Variants in TNFAIP8L3 observed in about 807,000 individuals in gnomAD.
TNFAIP8L3 encodes the protein tumor necrosis factor alpha-induced protein 8-like protein 3.
A neutral mutation model predicts 11.8 loss-of-function variants in TNFAIP8L3; 7 were observed. The observed-to-expected ratio is 0.59, with a 90% CI of 0.34 to 1.11. The LOEUF (loss-of-function observed/expected upper bound fraction) is 1.11. TNFAIP8L3 is among the 50% of genes most tolerant of loss of function. The pLI is 0.03. For missense variants in TNFAIP8L3, 219 were observed against 258.6 expected (o/e 0.85, Z 1.05); for synonymous variants, 98 against 103.8 (o/e 0.94, Z 0.34).
chr15:51,097,117 T>A (rs2065518919), upstream of TNFAIP8L3, among the ~76,000 whole-genome samples: 1 of 152,134 alleles, frequency 6.6e-6, no homozygotes, highest in Admixed American at 6.5e-5. Context: ...TAACAGGAAA[T>A]GTGAAACTTT....
intron 1 of TNFAIP8L3, among the ~76,000 whole-genome samples, chr15:51,087,974 T>C (rs1166572631): frequency 1.4e-5 from 2 of 140,118 alleles, no homozygotes; most frequent in Admixed American, 7.8e-5. Context: ...TCTCCTGATA[T>C]GATTTTTTGG....
chr15:51,094,805 G>C lies in TNFAIP8L3; in HGVS notation c.-210C>G. The C allele has an allele frequency of 4.4e-6, 3 of 686,368 alleles. No individual in the cohort carries two copies. Among genetic ancestry groups the C allele is most frequent in the Non-Finnish European group, 5.4e-6 (3 of 559,082 alleles). The allele number at this position is 686,368 out of a possible 1,614,324, so 42.5% of individuals were successfully genotyped here. A position where few individuals can be genotyped will look rare whatever the true frequency, so the allele number is the denominator to read the frequency against. ...CCGCTCCCCGCGCCCGCCGGCCGGT[G>C]CCTGCGCGCGAGGCGAGCGCAGGGC... On this transcript the variant is annotated 5_prime_UTR_variant, in exon 1 of 2. Coordinates refer to ENST00000637513, the MANE Select transcript of TNFAIP8L3 (RefSeq NM_001311175.2). This position sits in a 1 kb window ranked among gnomAD's most constrained non-coding sequence, Gnocchi z 4.4.
At chr15:51,101,367 A>T (rs2065549212) in intron 1 of TNFAIP8L3, among the ~76,000 whole-genome samples, 1 of 152,158 alleles carries the variant, frequency 6.6e-6, no homozygotes, top group Non-Finnish European at 1.5e-5. Context: ...CACGCCTGTA[A>T]TCCCAGCAGT....
chr15:51,079,293 G>A (rs2140973972), intron 1 of TNFAIP8L3, among the ~76,000 whole-genome samples: 1 of 152,344 alleles, frequency 6.6e-6, no homozygotes, highest in South Asian at 2.1e-4. Context: ...CTGACTTCTA[G>A]GCAATTTCTT....
chr15:51,060,416 A>C (rs2065234912), intron 1 of TNFAIP8L3, among the ~76,000 whole-genome samples: 1 of 152,216 alleles, frequency 6.6e-6, no homozygotes, highest in Non-Finnish European at 1.5e-5. Flanking sequence ...TGGAATGTAG[A>C]TGGATCCATT....
chr15:51,096,029 A>C, upstream of TNFAIP8L3, among the ~76,000 whole-genome samples: 1 of 152,188 alleles, frequency 6.6e-6, no homozygotes, highest in East Asian at 1.9e-4. Context: ...TGGCAAGTTC[A>C]TAGAATTCAA....
intron 1 of TNFAIP8L3, among the ~76,000 whole-genome samples, chr15:51,071,426 TC>T (rs1211026940): frequency 1.3e-5 from 2 of 152,182 alleles, no homozygotes; most frequent in South Asian, 2.1e-4. Flanking sequence ...TATTTTTTTT[TC>T]ATCTATCCAC....
At position 51,074,611 on chromosome 15, in the gene TNFAIP8L3, A is replaced by C. The variant is rs564186580; in HGVS notation, c.53-16168T>G. 2.8e-4 allele frequency among the ~76,000 whole-genome samples: 43 copies of C among 152,334 alleles called. No individual in the cohort carries two copies. In the South Asian group the frequency reaches 8.1e-3, roughly 29 times the overall value. ...CCAGAGGCCTGCTTGCCCAATTCAA[A>C]GCCAAAAGGAGGCTCAACTCTTCAC... On this transcript the variant is annotated intron_variant, in intron 1 of 1. Transcript: ENST00000637513.
intron 1 of TNFAIP8L3, among the ~76,000 whole-genome samples, chr15:51,060,514 A>T (rs1235333414): frequency 6.6e-6 from 1 of 152,252 alleles, no homozygotes; most frequent in African/African-American, 2.4e-5. Context: ...CTAGAAATGC[A>T]GCCAACATGC....
chr15:51,058,257 T>G lies in TNFAIP8L3; in HGVS notation c.239A>C (p.Asp80Ala), dbSNP rs1183288387. The change falls in exon 2 of 2, where the codon GAC (aspartate) becomes GCC (alanine). Residue 80 changes from aspartate to alanine, a missense_variant. Coordinates refer to ENST00000637513, the MANE Select transcript of TNFAIP8L3 (RefSeq NM_001311175.2). ...GATTTTGATCGCCACCTTGATTAAG[T>G]CTTTCATGATCTTGTGGGCTTCCTT... Reference protein sequence around the residue: ...NKKEAHKIMKDLIKVAIKIGI... With the variant: ...NKKEAHKIMKALIKVAIKIGI... 6.2e-7 allele frequency: 1 copy of G among 1,614,104 alleles called. No individual in the cohort carries two copies. The highest frequency in any genetic ancestry group is 8.5e-7 in the Non-Finnish European group (1 of 1,180,058).
intron 1 of TNFAIP8L3, among the ~76,000 whole-genome samples, chr15:51,089,100 C>G (rs778079835): frequency 6.6e-6 from 1 of 152,184 alleles, no homozygotes; most frequent in Non-Finnish European, 1.5e-5. Flanking sequence ...TTCCCTTCCC[C>G]CTTTTTTCCC....
chr15:51,097,692 G>A (rs1169022047), upstream of TNFAIP8L3, among the ~76,000 whole-genome samples: 2 of 152,184 alleles, frequency 1.3e-5, no homozygotes, highest in East Asian at 3.8e-4. Context: ...GTTTAATGAG[G>A]AACATTAGTG....
upstream of TNFAIP8L3, among the ~76,000 whole-genome samples, chr15:51,099,332 C>G (rs936520145): frequency 6.6e-6 from 1 of 151,992 alleles, no homozygotes; most frequent in Admixed American, 6.6e-5. Context: ...CAGCTGTTCT[C>G]CTGGGTTCTT....
At chr15:51,081,465 A>G in intron 1 of TNFAIP8L3, among the ~76,000 whole-genome samples, 1 of 152,168 alleles carries the variant, frequency 6.6e-6, no homozygotes, top group Non-Finnish European at 1.5e-5. Context: ...CTTGTCCTAC[A>G]GCACTCCTGT....
chr15:51,065,827 T>C (rs887698091), intron 1 of TNFAIP8L3, among the ~76,000 whole-genome samples: 2 of 152,216 alleles, frequency 1.3e-5, no homozygotes, highest in African/African-American at 4.8e-5. Flanking sequence ...TTTCTCTAAA[T>C]AGCTTGAGAT....
intron 1 of TNFAIP8L3, among the ~76,000 whole-genome samples, chr15:51,080,039 C>T (rs1468544380): frequency 6.6e-6 from 1 of 152,050 alleles, no homozygotes; most frequent in Non-Finnish European, 1.5e-5. Flanking sequence ...AAATTACATG[C>T]TTACACTGTT....
chr15:51,071,005 C>A (rs1180944066), intron 1 of TNFAIP8L3, among the ~76,000 whole-genome samples: 1 of 137,644 alleles, frequency 7.3e-6, no homozygotes, highest in Non-Finnish European at 1.6e-5. Context: ...GAGCCGAGAT[C>A]CCGCCACTGC....
chr15:51,092,226 A>G (rs956753692), intron 1 of TNFAIP8L3, among the ~76,000 whole-genome samples: 6 of 152,222 alleles, frequency 3.9e-5, no homozygotes, highest in Non-Finnish European at 5.9e-5. Context: ...ACACACACAT[A>G]TAAGTACTCC....
Position 51,070,105 on chromosome 15 carries a change from C to A in TNFAIP8L3, c.53-11662G>T, listed in dbSNP as rs918498846. Among the ~76,000 whole-genome samples, 5 of 152,262 alleles carry A rather than the reference C, an allele frequency of 3.3e-5. No homozygotes were observed. In the East Asian group the frequency reaches 9.6e-4, roughly 29 times the overall value. ...TTTCAACAGTTACATATTAATGTTG[C>A]TTTTCATATTGATTTTACAGCCAGC... On this transcript the variant is annotated intron_variant, in intron 1 of 1. Transcript: ENST00000637513.
Sources: gnomAD v4.1 joint callset for allele counts (sites outside exome capture counted in the v4.1 genomes callset) on GRCh38, gnomAD v4.1.1 for gene constraint, Gnocchi (gnomAD v3.1) non-coding constraint, MANE v1.5 for transcripts, NCBI Gene and HGNC (gene_info 2026-07-23, HGNC 2026-07-21) for gene names.